SCFD2: variants seen among roughly 807,000 people sequenced by gnomAD.
SCFD2 encodes sec1 family domain containing 2.
Under a neutral mutation model 58.9 loss-of-function variants are expected in SCFD2, and 54 were observed. The ratio of observed to expected loss-of-function variants is 0.92; its 90% CI spans 0.74 to 1.15. The LOEUF (loss-of-function observed/expected upper bound fraction) is 1.15. Among genes scored for constraint, SCFD2 ranks in the 50% most tolerant of loss-of-function variants. SCFD2 has a pLI of 0.00. For missense variants in SCFD2, 805 were observed against 836.6 expected (o/e 0.96, Z 0.47); for synonymous variants, 321 against 335.9 (o/e 0.96, Z 0.49).
chr4:53,284,689 TA>T (rs1248268302), intron 3 of SCFD2, among the ~76,000 whole-genome samples: 3 of 152,150 alleles, frequency 2.0e-5, no homozygotes, highest in Admixed American at 6.6e-5. Context: ...AAGAAAGAAA[TA>T]TGGTTAACAT....
At chr4:53,182,131 T>A (rs920189050) in intron 4 of SCFD2, among the ~76,000 whole-genome samples, 141 of 152,256 alleles carry the variant, frequency 9.3e-4, no homozygotes, top group African/African-American at 3.2e-3. Context: ...ATGACTTTCT[T>A]CACAGAATTG....
chr4:53,086,475 T>C (rs1354411248), intron 5 of SCFD2, among the ~76,000 whole-genome samples: 1 of 152,140 alleles, frequency 6.6e-6, no homozygotes, highest in Admixed American at 6.5e-5. Context: ...AGCTTGGAAG[T>C]TCCTCAAAAG....
At chr4:53,195,161 C>T (rs754592901) in intron 4 of SCFD2, among the ~76,000 whole-genome samples, 1 of 152,074 alleles carries the variant, frequency 6.6e-6, no homozygotes, top group Non-Finnish European at 1.5e-5. Flanking sequence ...TGTATCCCAG[C>T]TTCGTCAATT....
At chr4:52,934,241 A>G (rs542054074) in intron 5 of SCFD2, among the ~76,000 whole-genome samples, 2 of 152,130 alleles carry the variant, frequency 1.3e-5, no homozygotes, top group South Asian at 2.1e-4. Context: ...TCCCAGTGGG[A>G]AAAAAAATGT....
intron 8 of SCFD2, among the ~76,000 whole-genome samples, chr4:52,883,580 G>A (rs1216928564): frequency 6.6e-6 from 1 of 152,134 alleles, no homozygotes; most frequent in East Asian, 1.9e-4. Context: ...TCAGGTCACA[G>A]GACTTTGAAA....
Position 53,343,983 on chromosome 4 carries a change from G to A in SCFD2, c.1007+8615C>T, listed in dbSNP as rs1351223302. Among the ~76,000 whole-genome samples the A allele has an allele frequency of 2.0e-5, 3 of 152,156 alleles. No homozygotes were observed. In the East Asian group the frequency reaches 5.8e-4, roughly 29 times the overall value. ...AAGAGCTATCTATGACAAACCCACA[G>A]CCAATATCATACTGAATGGACAAAA... On this transcript the variant is annotated intron_variant, in intron 2 of 8. Coordinates refer to ENST00000401642, the MANE Select transcript of SCFD2 (RefSeq NM_152540.4).
At chr4:53,202,409 T>C (rs1461609811) in intron 4 of SCFD2, among the ~76,000 whole-genome samples, 18 of 151,508 alleles carry the variant, frequency 1.2e-4, no homozygotes, top group African/African-American at 2.7e-4. Flanking sequence ...ACCAGTACCA[T>C]GCTGTTTTGT....
At chr4:53,171,663 T>G (rs1042108579) in intron 4 of SCFD2, among the ~76,000 whole-genome samples, 1 of 152,216 alleles carries the variant, frequency 6.6e-6, no homozygotes, top group African/African-American at 2.4e-5. Context: ...GATTTTATTA[T>G]TGATTCAATT....
intron 5 of SCFD2, among the ~76,000 whole-genome samples, chr4:53,097,314 T>C (rs959199574): frequency 3.9e-5 from 6 of 152,156 alleles, no homozygotes; most frequent in Admixed American, 2.6e-4. Context: ...GCAGTATGGC[T>C]ATTTTCACGA....
intron 4 of SCFD2, among the ~76,000 whole-genome samples, chr4:53,254,603 T>C (rs1730527021): frequency 6.6e-6 from 1 of 151,468 alleles, no homozygotes; most frequent in Non-Finnish European, 1.5e-5. Flanking sequence ...CCTCCCAAAG[T>C]GCTGTGATTA....
chr4:53,302,703 C>G (rs1290956072), intron 3 of SCFD2, among the ~76,000 whole-genome samples: 1 of 152,214 alleles, frequency 6.6e-6, no homozygotes, highest in African/African-American at 2.4e-5. Flanking sequence ...TCGAACTATA[C>G]TACAAGGCTA....
chr4:52,938,058 A>G (rs964985079), intron 5 of SCFD2, among the ~76,000 whole-genome samples: 4 of 152,222 alleles, frequency 2.6e-5, no homozygotes, highest in Non-Finnish European at 5.9e-5. Context: ...ACAGCAAACA[A>G]AACATAAAAA....
intron 5 of SCFD2, among the ~76,000 whole-genome samples, chr4:52,971,903 A>T (rs2109553035): frequency 6.6e-6 from 1 of 152,328 alleles, no homozygotes; most frequent in Middle Eastern, 3.4e-3. Context: ...AGAATTTCAT[A>T]TCCAGCCAAA....
intron 5 of SCFD2, among the ~76,000 whole-genome samples, chr4:52,989,357 A>G (rs1264919438): frequency 6.6e-6 from 1 of 152,238 alleles, no homozygotes; most frequent in Non-Finnish European, 1.5e-5. Context: ...TCCTAAGGAA[A>G]GATGATGGAA....
chr4:53,241,409 C>T (rs1729888315), intron 4 of SCFD2, among the ~76,000 whole-genome samples: 2 of 152,176 alleles, frequency 1.3e-5, no homozygotes, highest in Admixed American at 6.5e-5. Flanking sequence ...CCAGTCCAAC[C>T]CAAGCACCCC....
At chr4:52,974,307 G>C (rs1315117966) in intron 5 of SCFD2, among the ~76,000 whole-genome samples, 2 of 152,140 alleles carry the variant, frequency 1.3e-5, no homozygotes, top group Non-Finnish European at 2.9e-5. Flanking sequence ...CAGCTGATAA[G>C]CAACTTCAGC....
chr4:53,052,666 A>G (rs1723216919), intron 5 of SCFD2, among the ~76,000 whole-genome samples: 10 of 152,176 alleles, frequency 6.6e-5, no homozygotes, highest in Admixed American at 5.9e-4. Context: ...AGACTTATAC[A>G]ATGAGCATTT....
intron 5 of SCFD2, among the ~76,000 whole-genome samples, chr4:52,981,739 G>A (rs374677760): frequency 6.6e-6 from 1 of 152,254 alleles, no homozygotes; most frequent in Non-Finnish European, 1.5e-5. Flanking sequence ...TGAGCCAGGA[G>A]AGACGGTCAG....
At chr4:53,190,359 C>A (rs774043933) in intron 4 of SCFD2, among the ~76,000 whole-genome samples, 1 of 152,148 alleles carries the variant, frequency 6.6e-6, no homozygotes, top group Non-Finnish European at 1.5e-5. Context: ...GCCTGCTGTG[C>A]TCCAGCCACA....
Sources: gnomAD v4.1 joint callset for allele counts (sites outside exome capture counted in the v4.1 genomes callset) on GRCh38, gnomAD v4.1.1 for gene constraint, MANE v1.5 for transcripts, NCBI Gene and HGNC (gene_info 2026-07-23, HGNC 2026-07-21) for gene names.